PDE10A: variants seen among roughly 807,000 people sequenced by gnomAD.
PDE10A encodes the protein phosphodiesterase 10A.
Under a neutral mutation model 97.7 loss-of-function variants are expected in PDE10A, and 39 were observed. The ratio of observed to expected loss-of-function variants is 0.40; its 90% CI spans 0.31 to 0.52. The LOEUF (loss-of-function observed/expected upper bound fraction) is 0.52, where lower values mean the gene tolerates loss of function less well. PDE10A is among the 20% of genes least tolerant of loss of function. The pLI is 0.56. For synonymous variants in PDE10A, 371 were observed against 376.8 expected, an observed-to-expected ratio of 0.98 and a Z score of 0.18; for missense variants, 731 against 1,047.8, an observed-to-expected ratio of 0.70 and a Z score of 4.17.
At chr6:165,875,994 TGGATAACA>T (rs1241526623) in intron 1 of PDE10A, among the ~76,000 whole-genome samples, 1 of 152,260 alleles carries the variant, frequency 6.6e-6, no homozygotes. Context: ...GAAGCTTTTA[TGGATAACA>T]TGAGGCAGGT....
chr6:165,415,599 A>G (rs1323217622), intron 12 of PDE10A, among the ~76,000 whole-genome samples: 1 of 152,204 alleles, frequency 6.6e-6, no homozygotes, highest in East Asian at 1.9e-4. Context: ...GATGTAACTT[A>G]TTTAGTTACT....
intron 1 of PDE10A, among the ~76,000 whole-genome samples, chr6:165,890,076 A>ACTCACTC (rs1260262793): frequency 1.3e-5 from 1 of 75,610 alleles, no homozygotes; most frequent in Non-Finnish European, 2.7e-5. Context: ...CTCACTCCTC[A>ACTCACTC]CTCACTCCTC....
At chr6:165,433,157 A>C in intron 6 of PDE10A, 28 bp from the exon 7 acceptor site, 4 of 1,545,042 alleles carry the variant, frequency 2.6e-6, no homozygotes, top group Non-Finnish European at 3.6e-6. Flanking sequence ...AAAAAGACAT[A>C]AATTCAGTGA....
chr6:165,746,270 A>T (rs1792840509), intron 1 of PDE10A, among the ~76,000 whole-genome samples: 1 of 152,180 alleles, frequency 6.6e-6, no homozygotes, highest in Admixed American at 6.5e-5. Context: ...TACCATACTG[A>T]CCCACTGGAT....
intron 5 of PDE10A, among the ~76,000 whole-genome samples, chr6:165,437,234 T>G (rs1483117080): frequency 6.9e-6 from 1 of 144,500 alleles, no homozygotes; most frequent in Admixed American, 7.2e-5. Context: ...AAAACGCACA[T>G]CTTTTTTTTT....
rs561484548 is a variant in PDE10A at position 165,910,267 on chromosome 6, G to A, written c.-615+77262C>T. 5.9e-5 allele frequency among the ~76,000 whole-genome samples: 9 copies of A among 152,324 alleles called. No homozygotes were observed. In the East Asian group the frequency reaches 1.7e-3, roughly 29 times the overall value. On this transcript the variant is annotated intron_variant, in intron 1 of 19. Coordinates refer to the PDE10A transcript ENST00000366882. Reference sequence around the variant, plus strand: ...AGGCTTTCATGAATAGGATGCTAGTGACAAGGTAGACAAGATGGCCAGAAA... The same window carrying A: ...AGGCTTTCATGAATAGGATGCTAGTAACAAGGTAGACAAGATGGCCAGAAA...
intron 3 of PDE10A, among the ~76,000 whole-genome samples, chr6:165,464,432 T>G (rs914796983): frequency 6.6e-6 from 1 of 152,210 alleles, no homozygotes; most frequent in African/African-American, 2.4e-5. Context: ...TTATATATTT[T>G]CTCAAGTCTA....
At chr6:165,358,934 T>A (rs905320632) in intron 18 of PDE10A, among the ~76,000 whole-genome samples, 9 of 151,462 alleles carry the variant, frequency 5.9e-5, no homozygotes, top group Middle Eastern at 3.4e-3. Context: ...GATTATAATA[T>A]GCATACTTAT....
chr6:165,896,723 A>G (rs1312515096), intron 1 of PDE10A, among the ~76,000 whole-genome samples: 1 of 151,780 alleles, frequency 6.6e-6, no homozygotes, highest in Non-Finnish European at 1.5e-5. Context: ...ATGGGGTTTC[A>G]CCGTGTTAGC....
intron 14 of PDE10A, among the ~76,000 whole-genome samples, chr6:165,395,961 T>A (rs1786128368): frequency 1.3e-5 from 2 of 152,122 alleles, no homozygotes; most frequent in Non-Finnish European, 2.9e-5. Context: ...AATTTGGAAG[T>A]TTAAATTTAT....
intron 1 of PDE10A, among the ~76,000 whole-genome samples, chr6:165,628,119 G>A (rs1295873216): frequency 1.3e-5 from 2 of 152,172 alleles, no homozygotes; most frequent in African/African-American, 2.4e-5. Flanking sequence ...GAAATTAACA[G>A]AATAATGCAC....
At chr6:165,356,223 A>G (rs1471002452) in intron 18 of PDE10A, among the ~76,000 whole-genome samples, 1 of 152,178 alleles carries the variant, frequency 6.6e-6, no homozygotes, top group African/African-American at 2.4e-5. Flanking sequence ...AGGTGGGGAC[A>G]CAGCCAAACA....
intron 1 of PDE10A, among the ~76,000 whole-genome samples, chr6:165,972,216 G>A (rs1784700435): frequency 6.6e-6 from 1 of 152,140 alleles, no homozygotes; most frequent in Non-Finnish European, 1.5e-5. Context: ...TTCACTCTGT[G>A]GTAGAAGGTG....
chr6:165,400,175 T>C (rs1786532106), intron 13 of PDE10A, among the ~76,000 whole-genome samples: 2 of 151,916 alleles, frequency 1.3e-5, no homozygotes, highest in African/African-American at 4.8e-5. Context: ...TTGTACCATA[T>C]ACAAATATTT....
chr6:165,761,401 A>G (rs1429765239), intron 1 of PDE10A, among the ~76,000 whole-genome samples: 1 of 152,260 alleles, frequency 6.6e-6, no homozygotes, highest in Non-Finnish European at 1.5e-5. Context: ...CAGTTGACAC[A>G]GATCTTTCTT....
chr6:165,495,555 T>A (rs573824177), intron 2 of PDE10A, among the ~76,000 whole-genome samples: 10 of 152,202 alleles, frequency 6.6e-5, no homozygotes, highest in African/African-American at 2.4e-4. Context: ...AGTATTTTTT[T>A]AAATGCAACA....
chr6:165,642,336 G>A (rs1789176497), intron 1 of PDE10A, among the ~76,000 whole-genome samples: 1 of 152,190 alleles, frequency 6.6e-6, no homozygotes, highest in Admixed American at 6.5e-5. Context: ...TTGGCCACGA[G>A]GCACAGGCTC....
At chr6:165,389,155 G>T (rs541069117) in intron 16 of PDE10A, among the ~76,000 whole-genome samples, 55 of 152,208 alleles carry the variant, frequency 3.6e-4, no homozygotes, top group African/African-American at 1.3e-3. Flanking sequence ...CAGTGGGGTC[G>T]AGGGCAGGGG....
At chr6:165,555,165 T>C (rs951733160) in intron 1 of PDE10A, among the ~76,000 whole-genome samples, 5 of 152,092 alleles carry the variant, frequency 3.3e-5, no homozygotes, top group Admixed American at 2.0e-4. Context: ...AAATAAAGAA[T>C]GTAATTGGAG....
Sources: allele counts gnomAD v4.1 joint callset (sites outside exome capture counted in the v4.1 genomes callset), GRCh38; gene constraint gnomAD v4.1.1; transcripts MANE v1.5; gene names NCBI Gene and HGNC (gene_info 2026-07-23, HGNC 2026-07-21).